EIF4G3: variants seen among roughly 807,000 people sequenced by gnomAD.
EIF4G3 encodes eukaryotic translation initiation factor 4 gamma 3.
EIF4G3 carries 34 observed loss-of-function variants against 186.4 expected under a neutral mutation model. The ratio of observed to expected loss-of-function variants is 0.18; its 90% CI spans 0.14 to 0.24. EIF4G3 has a LOEUF of 0.24. Ranked by LOEUF, EIF4G3 falls within the 10% of genes least tolerant of loss-of-function variation. EIF4G3 has a pLI of 1.00. For synonymous variants in EIF4G3, 673 were observed against 679.5 expected (o/e 0.99, Z 0.15); for missense variants, 1,536 against 1,948.5 (o/e 0.79, Z 3.99).
At chr1:21,075,015 CAAAG>C (rs2095543676) in intron 3 of EIF4G3, among the ~76,000 whole-genome samples, 1 of 150,978 alleles carries the variant, frequency 6.6e-6, no homozygotes, top group Admixed American at 6.6e-5. Context: ...ATCAGATACA[CAAAG>C]AAGAAAGAAA....
chr1:21,173,414 G>A (rs576250388), intron 2 of EIF4G3, among the ~76,000 whole-genome samples: 7 of 152,084 alleles, frequency 4.6e-5, no homozygotes, highest in South Asian at 2.1e-4. Context: ...GGCCAGGTGC[G>A]GTGGCTCAAT....
In EIF4G3 at chr1:21,082,994, C is replaced by T. The variant is rs549171471; in HGVS notation, c.-196+6144G>A. 9.7e-5 allele frequency among the ~76,000 whole-genome samples: 13 copies of T among 134,494 alleles called. No homozygotes were observed. The South Asian group carries it at 2.8e-3, about 29-fold the overall frequency. The allele number at this position is 134,494 out of a possible 152,430, so 88.2% of individuals were successfully genotyped here. A position where few individuals can be genotyped will look rare whatever the true frequency, so the allele number is the denominator to read the frequency against. ...GGGAGCTTGCAGTGAGCCGAGATCT[C>T]GCCACTGCACTCCAACCTGGGAGAC... On this transcript the variant is annotated intron_variant, in intron 3 of 36. Coordinates refer to ENST00000602326, the MANE Select transcript of EIF4G3 (RefSeq NM_001391906.1).
intron 2 of EIF4G3, among the ~76,000 whole-genome samples, chr1:21,173,845 A>G (rs955895061): frequency 2.0e-5 from 3 of 152,210 alleles, no homozygotes; most frequent in Non-Finnish European, 2.9e-5. Context: ...CACTTATTGA[A>G]CAATGACCAC....
At chr1:20,959,522 G>A (rs952086626) in intron 12 of EIF4G3, among the ~76,000 whole-genome samples, 1 of 151,458 alleles carries the variant, frequency 6.6e-6, no homozygotes, top group Non-Finnish European at 1.5e-5. Flanking sequence ...CAACAAAAAC[G>A]CAAATAAATA....
Position 21,112,602 on chromosome 1 carries a change from T to C in EIF4G3, c.-271-23389A>G, listed in dbSNP as rs144350603. Among the ~76,000 whole-genome samples the C allele has an allele frequency of 3.7e-3, 556 of 152,310 alleles. 2 individuals are homozygous for C. Among genetic ancestry groups the C allele is most frequent in the African/African-American group, 0.013 (531 of 41,566 alleles). On this transcript the variant is annotated intron_variant, in intron 2 of 36. Transcript: ENST00000602326. The stretch of plus-strand genomic sequence containing the variant: ...TACCCATGTGAAGTCAATGTTACTT[T>C]ATTTGGTTTTTCTGAGGTATAAAAA...
intron 7 of EIF4G3, among the ~76,000 whole-genome samples, chr1:20,982,826 T>C (rs2078593305): frequency 6.6e-6 from 1 of 152,194 alleles, no homozygotes; most frequent in Non-Finnish European, 1.5e-5. Flanking sequence ...TTTGTTATTT[T>C]TGTAAAAGTC....
intron 8 of EIF4G3, 138 bp from the exon 9 acceptor site, chr1:20,981,365 T>G (rs192709316): frequency 6.3e-5 from 40 of 636,206 alleles, no homozygotes; most frequent in Middle Eastern, 4.6e-4. Context: ...AAGAATAAAT[T>G]ACCTATTGCT....
At chr1:20,995,561 G>A (rs1489538164) in intron 7 of EIF4G3, among the ~76,000 whole-genome samples, 8 of 151,948 alleles carry the variant, frequency 5.3e-5, no homozygotes, top group East Asian at 1.9e-4. Flanking sequence ...TAGTAGAGAC[G>A]GAATTTCACC....
At chr1:20,909,290 GA>G (rs2154557938) in intron 14 of EIF4G3, among the ~76,000 whole-genome samples, 1 of 152,282 alleles carries the variant, frequency 6.6e-6, no homozygotes, top group East Asian at 1.9e-4. Context: ...ACATGATCTA[GA>G]ACATGCACTC....
intron 14 of EIF4G3, among the ~76,000 whole-genome samples, chr1:20,920,834 G>A (rs2094437988): frequency 6.6e-6 from 1 of 151,942 alleles, no homozygotes; most frequent in Non-Finnish European, 1.5e-5. Context: ...GTTTCAGAAT[G>A]GCAGTGGCCC....
intron 11 of EIF4G3, among the ~76,000 whole-genome samples, chr1:20,970,895 C>T (rs1418485418): frequency 6.6e-6 from 1 of 151,954 alleles, no homozygotes; most frequent in African/African-American, 2.4e-5. Flanking sequence ...ACCCAGGAGG[C>T]GGAGGTTGCA....
At chr1:20,936,228 T>C (rs963012459) in intron 14 of EIF4G3, among the ~76,000 whole-genome samples, 1 of 152,118 alleles carries the variant, frequency 6.6e-6, no homozygotes, top group African/African-American at 2.4e-5. Context: ...AAAATAGGAA[T>C]GGGATGGCAG....
chr1:21,021,301 T>TCTA (rs2090613814), intron 4 of EIF4G3, among the ~76,000 whole-genome samples: 1 of 152,070 alleles, frequency 6.6e-6, no homozygotes, highest in African/African-American at 2.4e-5. Context: ...TCTTAGTGAC[T>TCTA]CTAGCTTCCC....
chr1:20,807,228 G>A lies in EIF4G3; in HGVS notation c.*91C>T, dbSNP rs2058235129. ...ACACGTGGGGGTTTCTGCGAGAATT[G>A]GCCTTGCTGCACTGTGATTGGCGAA... On this transcript the variant is annotated 3_prime_UTR_variant, in exon 37 of 37. Coordinates refer to ENST00000602326, the MANE Select transcript of EIF4G3 (RefSeq NM_001391906.1). 1 of 1,216,392 alleles carries A rather than the reference G, an allele frequency of 8.2e-7. No homozygotes were observed. Among genetic ancestry groups the A allele is most frequent in the African/African-American group, 1.5e-5 (1 of 66,176 alleles). 75.3% of individuals were successfully genotyped at this position (1,216,392 alleles called of 1,614,324 possible). A position where few individuals can be genotyped will look rare whatever the true frequency, so the allele number is the denominator to read the frequency against.
In EIF4G3 at chr1:20,825,127, T is replaced by A; in HGVS notation, c.4341A>T (p.Glu1447Asp). The A allele has an allele frequency of 6.2e-7, 1 of 1,612,848 alleles. No homozygotes were observed. The highest frequency in any genetic ancestry group is 8.5e-7 in the Non-Finnish European group (1 of 1,179,474). ...LSWKDFLPEG[E>D]DVHNFLLEQK... ...GCTCCAAAAGAAAATTATGTACATCTTCTCCTTCTGGTAAAAAGTCCTTCC... is the reference window on the plus strand; with the variant it reads ...GCTCCAAAAGAAAATTATGTACATCATCTCCTTCTGGTAAAAAGTCCTTCC... The change falls in exon 33 of 37, where the codon GAA becomes GAT. Residue 1447 changes from glutamate to aspartate, a missense_variant. Glu to Asp is a conservative substitution (Grantham distance 45). This residue lies in a region of EIF4G3 where 395 missense variants were observed against 498.9 expected (regional missense o/e 0.79). Coordinates refer to ENST00000602326, the MANE Select transcript of EIF4G3 (RefSeq NM_001391906.1).
intron 3 of EIF4G3, among the ~76,000 whole-genome samples, chr1:21,062,866 C>G (rs1557775679): frequency 6.6e-6 from 1 of 152,262 alleles, no homozygotes; most frequent in East Asian, 1.9e-4. Context: ...GCTAGGATTA[C>G]AGGCGTGAGC....
At chr1:21,172,786 G>C (rs2098009912) in intron 2 of EIF4G3, among the ~76,000 whole-genome samples, 1 of 150,592 alleles carries the variant, frequency 6.6e-6, no homozygotes, top group Non-Finnish European at 1.5e-5. Context: ...CTGATCTCAT[G>C]ATCTGCCCAC....
chr1:21,162,222 G>T (rs532837740), intron 2 of EIF4G3: 1 of 152,104 alleles, frequency 6.6e-6, no homozygotes, highest in South Asian at 2.1e-4. Flanking sequence ...ATCCAAAGCA[G>T]GCAGAATCAC....
Position 20,994,847 on chromosome 1 carries a change from C to T in EIF4G3, c.177+2754G>A, listed in dbSNP as rs541905574. Among the ~76,000 whole-genome samples the T allele has an allele frequency of 2.5e-3, 387 of 152,152 alleles. 2 individuals are homozygous for T. Among genetic ancestry groups the T allele is most frequent in the African/African-American group, 9.0e-3 (372 of 41,510 alleles). ...AGAGATGAGGTTTCGCCATGTTGCT[C>T]AGGCTGATCTCTAACTCTGGGGCTC... On this transcript the variant is annotated intron_variant, in intron 7 of 36. Transcript: ENST00000602326.
Sources: gnomAD v4.1 joint callset for allele counts (sites outside exome capture counted in the v4.1 genomes callset) on GRCh38, gnomAD v4.1.1 for gene constraint, gnomAD v4.1.1 regional missense constraint, MANE v1.5 for transcripts, NCBI Gene and HGNC (gene_info 2026-07-23, HGNC 2026-07-21) for gene names.